The following PITPNM2 variants were observed in gnomAD, a reference collection of about 807,000 sequenced individuals.
The protein encoded by PITPNM2 is membrane-associated phosphatidylinositol transfer protein 2.
A neutral mutation model predicts 132.2 loss-of-function variants in PITPNM2; 35 were observed. The ratio of observed to expected loss-of-function variants is 0.26; its 90% confidence interval spans 0.20 to 0.35. PITPNM2 has a LOEUF of 0.35. Among genes scored for constraint, PITPNM2 ranks in the 10% least tolerant of loss-of-function variants. The pLI is 1.00. For missense variants in PITPNM2, 1,332 were observed against 1,912.0 expected (o/e 0.70, Z 5.66); for synonymous variants, 738 against 799.2 (o/e 0.92, Z 1.29).
intron 2 of PITPNM2, chr12:123,084,744 T>C (rs577616108): frequency 3.0e-4 from 46 of 152,308 alleles, no homozygotes; most frequent in African/African-American, 1.0e-3. Context: ...GTTCTACCAA[T>C]TTCCCAGCTA....
chr12:123,063,143 CTG>C (rs906510364), intron 2 of PITPNM2, among the ~76,000 whole-genome samples: 13 of 152,376 alleles, frequency 8.5e-5, no homozygotes, highest in African/African-American at 3.1e-4. Context: ...AGGGCAAGGC[CTG>C]TGTTTCCAGG....
intron 1 of PITPNM2, among the ~76,000 whole-genome samples, chr12:123,131,572 C>T (rs2043262203): frequency 6.6e-6 from 1 of 152,184 alleles, no homozygotes; most frequent in Non-Finnish European, 1.5e-5. Flanking sequence ...CCCCTGCATG[C>T]TTGCCCTAGG....
Position 122,986,538 on chromosome 12 carries a change from A to G in PITPNM2, c.3624T>C (p.Tyr1208=). Residue 1208 remains tyrosine, a synonymous_variant, in exon 25 of 26, where the codon TAT becomes TAC. Transcript: ENST00000320201. ...SELHLRVHAA[Y]GSTKDVAVYS... is the part of the protein sequence containing the mutation. ...ACACCGCCACGTCCTTGGTGGAGCC[A>G]TAGGCCGCGTGCACGCGCAGGTGCA... 1 of 1,599,570 alleles carries G rather than the reference A, an allele frequency of 6.3e-7. No individual in the cohort carries two copies. The highest frequency in any genetic ancestry group is 1.1e-5 in the South Asian group (1 of 89,942).
intron 1 of PITPNM2, among the ~76,000 whole-genome samples, chr12:123,130,064 C>G (rs562813095): frequency 1.2e-4 from 19 of 152,196 alleles, no homozygotes; most frequent in African/African-American, 2.6e-4. Context: ...CCACCATACC[C>G]AGCTAATTTT....
chr12:122,989,702 G>A, intron 18 of PITPNM2, 85 bp downstream of exon 18: 1 of 1,260,116 alleles, frequency 7.9e-7, no homozygotes, highest in Non-Finnish European at 1.0e-6. Flanking sequence ...GGCCGAAGCG[G>A]GGGTCTAGGT....
rs1219070138 is a variant in PITPNM2 at position 123,022,497 on chromosome 12, G to T, written c.79-8455C>A. ...CTGGAAAAAGAGGCTACCAAGGGAG[G>T]CAAAGAGCATGAATGAGAGCCCCAA... On this transcript the variant is annotated intron_variant, in intron 3 of 25. Transcript: ENST00000320201. The surrounding 1 kb of genome is among the most constrained non-coding windows in gnomAD (Gnocchi z 4.9). Among the ~76,000 whole-genome samples, 2 of 152,110 alleles carry T rather than the reference G, an allele frequency of 1.3e-5. No individual in the cohort carries two copies. Among genetic ancestry groups the T allele is most frequent in the African/African-American group, 4.8e-5 (2 of 41,400 alleles).
chr12:123,011,847 C>T (rs535056457), intron 5 of PITPNM2, among the ~76,000 whole-genome samples: 52 of 152,270 alleles, frequency 3.4e-4, no homozygotes, highest in African/African-American at 1.2e-3. Flanking sequence ...TCCAGAGCCC[C>T]GAGAGAATAA....
intron 1 of PITPNM2, among the ~76,000 whole-genome samples, chr12:123,125,714 G>T (rs2137486238): frequency 6.7e-6 from 1 of 150,112 alleles, no homozygotes; most frequent in Non-Finnish European, 1.5e-5. Flanking sequence ...GTGGTGGCAG[G>T]CACCTGTAAT....
In PITPNM2 at chr12:123,106,976, T is replaced by TG. The variant is rs1268323768; in HGVS notation, c.-96+3408dup. ...CTCGCTGCAGGTAGGGCTCTGCTGC[T>TG]GCTACGGATGGAGATAAGTCCCTTC... On this transcript the variant is annotated intron_variant, in intron 2 of 25. Coordinates refer to ENST00000320201, the MANE Select transcript of PITPNM2 (RefSeq NM_020845.3). The surrounding 1 kb of genome is among the most constrained non-coding windows in gnomAD (Gnocchi z 4.4). Among the ~76,000 whole-genome samples the TG allele has an allele frequency of 6.6e-6, 1 of 152,194 alleles. No homozygotes were observed. Among genetic ancestry groups the TG allele is most frequent in the Non-Finnish European group, 1.5e-5 (1 of 68,034 alleles).
chr12:123,142,231 G>A (rs771527534), intron 1 of PITPNM2, among the ~76,000 whole-genome samples: 8 of 152,174 alleles, frequency 5.3e-5, no homozygotes, highest in East Asian at 3.9e-4. Context: ...GCAAGAATCC[G>A]CTAAATGCAT....
chr12:123,125,626 C>T lies in PITPNM2; in HGVS notation c.-199-15138G>A, dbSNP rs192825876. ...TTGGGAGGCCGAGGGGGGCGGATCA[C>T]GAGGTCAGGAGTTTGAGACCAGCCT... On this transcript the variant is annotated intron_variant, in intron 1 of 25. Transcript: ENST00000320201. 5.7e-4 allele frequency among the ~76,000 whole-genome samples: 87 copies of T among 151,720 alleles called. 1 individual carries two copies. The highest frequency in any genetic ancestry group is 4.1e-3 in the Admixed American group (62 of 15,236).
chr12:123,045,814 G>A (rs888936413), intron 2 of PITPNM2, among the ~76,000 whole-genome samples: 9 of 152,212 alleles, frequency 5.9e-5, no homozygotes, highest in African/African-American at 1.4e-4. Flanking sequence ...AGTGTCAGTA[G>A]CCAGTGTCCC....
intron 1 of PITPNM2, among the ~76,000 whole-genome samples, chr12:123,118,306 T>C (rs917293088): frequency 2.0e-5 from 3 of 152,194 alleles, no homozygotes; most frequent in Non-Finnish European, 1.5e-5. Context: ...GCGATCATGA[T>C]GGGAACCTGC....
chr12:123,127,968 G>C lies in PITPNM2; in HGVS notation c.-199-17480C>G, dbSNP rs1479150627. ...ATCTAGAATAAAGAACAGTACTAAA[G>C]AGAGAGAAGGCATGCTTGTCTTGCA... is the stretch of plus-strand genomic sequence containing the variant. On this transcript the variant is annotated intron_variant, in intron 1 of 25. Transcript: ENST00000320201. Among the ~76,000 whole-genome samples, 4 of 151,972 alleles carry C rather than the reference G, an allele frequency of 2.6e-5. No individual in the cohort carries two copies. The East Asian group carries it at 5.8e-4, about 22-fold the overall frequency.
In PITPNM2 at chr12:122,996,753, T is replaced by C. The variant is rs1443001483; in HGVS notation, c.1630A>G (p.Lys544Glu). 6.2e-7 allele frequency: 1 copy of C among 1,611,592 alleles called. No individual in the cohort carries two copies. Among genetic ancestry groups the C allele is most frequent in the Non-Finnish European group, 8.5e-7 (1 of 1,179,410 alleles). The change falls in exon 12 of 26, where the codon AAG becomes GAG. Residue 544 changes from lysine (K) to glutamate (E), a missense_variant. This residue lies in a region of PITPNM2 where 710 missense variants were observed against 911.5 expected (regional missense o/e 0.78). Transcript: ENST00000320201. ...TTGAAGGTCATGCCCTCCTGGGACT[T>C]GATGAAGTCCCCATAGGCAAGGTTG... ...RANLAYGDFI[K>E]SQEGMTFNGQ...
chr12:123,066,762 G>C (rs2041432386), intron 2 of PITPNM2, among the ~76,000 whole-genome samples: 1 of 152,158 alleles, frequency 6.6e-6, no homozygotes, highest in African/African-American at 2.4e-5. Flanking sequence ...ATACGTGTCT[G>C]ACTAGTACAC....
intron 2 of PITPNM2, among the ~76,000 whole-genome samples, chr12:123,041,582 C>T (rs796643947): frequency 2.6e-5 from 4 of 152,342 alleles, no homozygotes; most frequent in African/African-American, 9.6e-5. Flanking sequence ...ACCCTCCTCA[C>T]TCAGACAATT....
At chr12:123,144,127 C>A (rs977944721) in intron 1 of PITPNM2, among the ~76,000 whole-genome samples, 1 of 152,224 alleles carries the variant, frequency 6.6e-6, no homozygotes, top group Admixed American at 6.5e-5. Flanking sequence ...ACATTCCCTG[C>A]TGAGGTTGAA....
In PITPNM2 at chr12:123,004,234, C is replaced by A. The variant is rs770706242; in HGVS notation, c.1048+160G>T. On this transcript the variant is annotated intron_variant, in intron 8 of 25. Transcript: ENST00000320201. This position sits in a 1 kb window ranked among gnomAD's most constrained non-coding sequence, Gnocchi z 4.9. ...CTCATCCTCTGTGCACTGCCCCAAA[C>A]ACCAGGCTGTCCACCTGGGACAGTG... Among the ~76,000 whole-genome samples, 1 of 152,162 alleles carries A rather than the reference C, an allele frequency of 6.6e-6. No individual in the cohort carries two copies. The highest frequency in any genetic ancestry group is 1.5e-5 in the Non-Finnish European group (1 of 68,020).
Sources: gnomAD v4.1 joint callset for allele counts (sites outside exome capture counted in the v4.1 genomes callset) on GRCh38, gnomAD v4.1.1 for gene constraint, gnomAD v4.1.1 regional missense constraint, Gnocchi (gnomAD v3.1) non-coding constraint, MANE v1.5 for transcripts, NCBI Gene and HGNC (gene_info 2026-07-23, HGNC 2026-07-21) for gene names.